KIF6: variants seen among roughly 807,000 people sequenced by gnomAD.
KIF6 encodes kinesin-like protein KIF6.
Under a neutral mutation model 112.7 loss-of-function variants are expected in KIF6, and 106 were observed. The ratio of observed to expected loss-of-function variants is 0.94; its 90% confidence interval spans 0.80 to 1.11. The LOEUF is 1.11. Ranked by LOEUF, KIF6 falls within the 50% of genes least tolerant of loss-of-function variation. The pLI is 0.00. For synonymous variants in KIF6, 339 were observed against 339.9 expected, an observed-to-expected ratio of 1.00 and a Z score of 0.03; for missense variants, 929 against 964.0, an observed-to-expected ratio of 0.96 and a Z score of 0.48.
intron 9 of KIF6, among the ~76,000 whole-genome samples, chr6:39,582,010 T>C (rs1369893463): frequency 6.6e-6 from 1 of 152,202 alleles, no homozygotes; most frequent in Non-Finnish European, 1.5e-5. Context: ...ATGTATCGGA[T>C]CATGTGGGTT....
intron 6 of KIF6, among the ~76,000 whole-genome samples, chr6:39,599,784 C>T (rs192403724): frequency 9.2e-5 from 14 of 152,290 alleles, no homozygotes; most frequent in Admixed American, 5.9e-4. Context: ...TTCTCAACAG[C>T]TGTCTTTAGC....
intron 13 of KIF6, among the ~76,000 whole-genome samples, chr6:39,512,012 G>T (rs1233622810): frequency 6.6e-6 from 1 of 152,182 alleles, no homozygotes; most frequent in African/African-American, 2.4e-5. Flanking sequence ...ATTGATGGGT[G>T]CAGCACACGA....
intron 10 of KIF6, among the ~76,000 whole-genome samples, chr6:39,562,548 T>C (rs376302834): frequency 6.6e-6 from 1 of 152,184 alleles, no homozygotes; most frequent in East Asian, 1.9e-4. Context: ...AGAAGAAGGA[T>C]TTAAGTTTAA....
intron 13 of KIF6, among the ~76,000 whole-genome samples, chr6:39,469,800 A>G (rs1774012829): frequency 6.6e-6 from 1 of 152,230 alleles, no homozygotes; most frequent in African/African-American, 2.4e-5. Context: ...GAGTTCCAAG[A>G]AAGATAAAGG....
chr6:39,601,711 GACACAC>G (rs10532285), intron 6 of KIF6, among the ~76,000 whole-genome samples: 6,314 of 147,368 alleles, frequency 0.043, 398 homozygotes, highest in African/African-American at 0.14. Context: ...ATTTCTTTGG[GACACAC>G]ACACACACAC....
chr6:39,613,187 A>G lies in KIF6; in HGVS notation c.639+2T>C. The G allele has an allele frequency of 6.3e-7, 1 of 1,579,992 alleles. No homozygotes were observed. Among genetic ancestry groups the G allele is most frequent in the Non-Finnish European group, 8.6e-7 (1 of 1,166,462 alleles). On this transcript the variant is annotated splice_donor_variant, in intron 6 of 22. Transcript: ENST00000287152. LOFTEE classifies it high-confidence loss of function. ...AACAGCTTGCAGAGAGAAGTTTATT[A>G]CCTCTGCAATCATTCGGTTGGTGTC...
intron 13 of KIF6, among the ~76,000 whole-genome samples, chr6:39,512,990 T>G (rs975417250): frequency 2.0e-5 from 3 of 152,114 alleles, no homozygotes; most frequent in East Asian, 3.9e-4. Context: ...CCATCTTCAG[T>G]TTTTATGTGA....
chr6:39,431,251 C>T, intron 13 of KIF6, 90 bp from the exon 14 acceptor site: 1 of 757,608 alleles, frequency 1.3e-6, no homozygotes, highest in South Asian at 1.6e-5. Flanking sequence ...AAAACCAGCC[C>T]TGGCTCCAAG....
At chr6:39,524,401 G>A (rs1284182494) in intron 13 of KIF6, among the ~76,000 whole-genome samples, 2 of 152,112 alleles carry the variant, frequency 1.3e-5, no homozygotes, top group South Asian at 2.1e-4. Context: ...TAGGGACTAC[G>A]CTGGTATCTT....
intron 13 of KIF6, among the ~76,000 whole-genome samples, chr6:39,435,677 T>C (rs898523564): frequency 1.3e-5 from 2 of 152,208 alleles, no homozygotes; most frequent in Non-Finnish European, 2.9e-5. Flanking sequence ...GGCCTCCAGT[T>C]TCATCCAAGA....
At chr6:39,651,272 G>C (rs888259094) in intron 3 of KIF6, among the ~76,000 whole-genome samples, 2 of 152,192 alleles carry the variant, frequency 1.3e-5, no homozygotes, top group African/African-American at 4.8e-5. Context: ...TGGAAACAGA[G>C]ATCCGAGAAT....
chr6:39,679,684 C>T (rs1246353499), intron 3 of KIF6, among the ~76,000 whole-genome samples: 5 of 145,788 alleles, frequency 3.4e-5, no homozygotes, highest in Non-Finnish European at 7.4e-5. Flanking sequence ...GGTGCAATCT[C>T]GGCTCACTGT....
intron 14 of KIF6, 69 bp from the exon 15 acceptor site, chr6:39,420,072 T>C (rs1770242261): frequency 1.8e-6 from 2 of 1,098,062 alleles, no homozygotes; most frequent in South Asian, 1.3e-5. Flanking sequence ...AAATAATAGA[T>C]TTCTTAGAGG....
intron 16 of KIF6, among the ~76,000 whole-genome samples, chr6:39,384,838 G>A (rs1767276362): frequency 6.6e-6 from 1 of 152,168 alleles, no homozygotes; most frequent in African/African-American, 2.4e-5. Context: ...AGGAAATGAG[G>A]AGGTTCTACC....
In KIF6 at chr6:39,623,129, T is replaced by C. The variant is rs1377409900; in HGVS notation, c.510-9811A>G. Among the ~76,000 whole-genome samples the C allele has an allele frequency of 2.0e-5, 3 of 152,324 alleles. No homozygotes were observed. The East Asian group carries it at 5.8e-4, about 29-fold the overall frequency. On this transcript the variant is annotated intron_variant, in intron 5 of 22. Coordinates refer to ENST00000287152, the MANE Select transcript of KIF6 (RefSeq NM_145027.6). The stretch of plus-strand genomic sequence containing the variant: ...ATGATTACATTGTATAGAATATGAT[T>C]CTGGTTTAATCTGTTTGCTTTTCTT...
intron 10 of KIF6, among the ~76,000 whole-genome samples, chr6:39,561,227 A>G (rs569653354): frequency 1.3e-5 from 2 of 152,258 alleles, no homozygotes; most frequent in Non-Finnish European, 2.9e-5. Flanking sequence ...GCAGCTAAAA[A>G]TAGTCCTACA....
At position 39,342,826 on chromosome 6, in the gene KIF6, A is replaced by T. The variant is rs1763416654; in HGVS notation, c.2428+883T>A. On this transcript the variant is annotated intron_variant, in intron 22 of 22. Transcript: ENST00000287152. The surrounding 1 kb of genome is among the most constrained non-coding windows in gnomAD (Gnocchi z 4.7). ...GGCTCTCAGTTGCGGCGCTCCATCC[A>T]TGCACAAACCTCTTCCTGCCCAAAC... 1.0e-6 allele frequency: 1 copy of T among 985,254 alleles called. No individual in the cohort carries two copies. Among genetic ancestry groups the T allele is most frequent in the Non-Finnish European group, 1.2e-6 (1 of 829,936 alleles). The allele number at this position is 985,254 out of a possible 1,614,324, so 61.0% of individuals were successfully genotyped here. A position where few individuals can be genotyped will look rare whatever the true frequency, so the allele number is the denominator to read the frequency against.
intron 18 of KIF6, among the ~76,000 whole-genome samples, chr6:39,357,929 G>T (rs865796868): frequency 6.6e-6 from 1 of 152,196 alleles, no homozygotes; most frequent in African/African-American, 2.4e-5. Context: ...TGCTTTCCAA[G>T]TTTTCCACGT....
At position 39,596,538 on chromosome 6, in the gene KIF6, C is replaced by A. The variant is rs1218345139; in HGVS notation, c.640-278G>T. On this transcript the variant is annotated intron_variant, in intron 6 of 22. Coordinates refer to ENST00000287152, the MANE Select transcript of KIF6 (RefSeq NM_145027.6). ...TCCTCTTGCCAATATAACTTTATTT[C>A]ATTACCTGTCTATAATCCATGCATT... Among the ~76,000 whole-genome samples the A allele has an allele frequency of 2.0e-5, 3 of 152,156 alleles. No individual in the cohort carries two copies. In the South Asian group the frequency reaches 6.2e-4, roughly 31 times the overall value.
Sources: allele counts gnomAD v4.1 joint callset (sites outside exome capture counted in the v4.1 genomes callset), GRCh38; gene constraint gnomAD v4.1.1; non-coding constraint Gnocchi (gnomAD v3.1); transcripts MANE v1.5; gene names NCBI Gene and HGNC (gene_info 2026-07-23, HGNC 2026-07-21).